Variants in UPF2 observed in about 807,000 individuals in gnomAD.
UPF2 encodes the protein UPF2 regulator of nonsense mediated mRNA decay, also known as regulator of nonsense transcripts 2.
A neutral mutation model predicts 141.4 loss-of-function variants in UPF2; 17 were observed. The observed-to-expected ratio is 0.12, with a 90% confidence interval of 0.08 to 0.18. The LOEUF is 0.18. Among genes scored for constraint, UPF2 ranks in the 10% least tolerant of loss-of-function variants. The pLI is 1.00. For synonymous variants in UPF2, 540 were observed against 498.0 expected, an observed-to-expected ratio of 1.08 and a Z score of -1.12; for missense variants, 1,152 against 1,515.9, an observed-to-expected ratio of 0.76 and a Z score of 3.99.
At chr10:11,941,578 C>T (rs1341497984) in intron 18 of UPF2, among the ~76,000 whole-genome samples, 1 of 151,988 alleles carries the variant, frequency 6.6e-6, no homozygotes, top group Non-Finnish European at 1.5e-5. Flanking sequence ...AAAAAAAACC[C>T]TGTCTTTTAA....
intron 8 of UPF2, among the ~76,000 whole-genome samples, chr10:11,985,764 T>TA (rs1833679612): frequency 6.6e-6 from 1 of 152,018 alleles, no homozygotes; most frequent in African/African-American, 2.4e-5. Context: ...ACATTAAAGT[T>TA]ATTAATAACA....
rs1302925584 is a variant in UPF2, at chr10:11,992,870, A to AG, written c.1844+4801dup. Among the ~76,000 whole-genome samples, 1 of 152,192 alleles carries AG rather than the reference A, an allele frequency of 6.6e-6. No individual in the cohort carries two copies. Among genetic ancestry groups the AG allele is most frequent in the East Asian group, 1.9e-4 (1 of 5,208 alleles). ...CGCAAATAAAAAGAAAGCAGCAGTC[A>AG]GGCGCAGGTGGCTCACACTTGTAAT... On this transcript the variant is annotated intron_variant, in intron 8 of 21. Transcript: ENST00000357604. This position sits in a 1 kb window ranked among gnomAD's most constrained non-coding sequence, Gnocchi z 4.1.
intron 21 of UPF2, among the ~76,000 whole-genome samples, chr10:11,926,931 C>A (rs1832720051): frequency 6.6e-6 from 1 of 152,242 alleles, no homozygotes; most frequent in Admixed American, 6.5e-5. Context: ...CCTCTGTTCA[C>A]ACGCACGTCG....
intron 9 of UPF2, among the ~76,000 whole-genome samples, chr10:11,975,134 G>A (rs148736623): frequency 1.1e-4 from 16 of 152,308 alleles, no homozygotes; most frequent in African/African-American, 3.6e-4. Context: ...GTTGGCATGC[G>A]CCTGTAGTCG....
At chr10:12,005,868 GCGTT>G in intron 4 of UPF2, among the ~76,000 whole-genome samples, 1 of 151,436 alleles carries the variant, frequency 6.6e-6, no homozygotes, top group Non-Finnish European at 1.5e-5. Flanking sequence ...ACCACGCCCA[GCGTT>G]TATTTATTAT....
chr10:11,964,224 G>A (rs1833283477), intron 10 of UPF2, 99 bp from the exon 11 acceptor site: 5 of 777,512 alleles, frequency 6.4e-6, no homozygotes, highest in Non-Finnish European at 9.7e-6. Flanking sequence ...CTTGGAAAAC[G>A]TAAAAAACAG....
rs199889023 is a variant in UPF2 at position 12,038,743 on chromosome 10, AAAC to A, written c.-18-3305_-18-3303del. ...GACTCCGTCTCAAAAATACAAAAAAAAACAACAACAACAACAAAAGAAAAAGCA... is the reference window on the plus strand; with the variant it reads ...GACTCCGTCTCAAAAATACAAAAAAAAACAACAACAACAAAAGAAAAAGCA... On this transcript the variant is annotated intron_variant, in intron 1 of 21. Coordinates refer to ENST00000357604, the MANE Select transcript of UPF2 (RefSeq NM_015542.4). Among the ~76,000 whole-genome samples, 7 of 152,064 alleles carry A rather than the reference AAAC, an allele frequency of 4.6e-5. No individual in the cohort carries two copies. In the East Asian group the frequency reaches 7.7e-4, roughly 17 times the overall value.
chr10:12,012,310 C>T (rs1348864358), intron 4 of UPF2, among the ~76,000 whole-genome samples: 3 of 151,962 alleles, frequency 2.0e-5, no homozygotes, highest in Non-Finnish European at 4.4e-5. Context: ...GATCCACCTG[C>T]CCTGGCCTCC....
At chr10:11,993,149 CAAAAAAAAAAA>C (rs561323595) in intron 8 of UPF2, among the ~76,000 whole-genome samples, 1 of 80,560 alleles carries the variant, frequency 1.2e-5, no homozygotes, top group African/African-American at 7.4e-5. Flanking sequence ...GGCTCCACCT[CAAAAAAAAAAA>C]AAAAAAAAAA....
chr10:12,013,273 T>TA (rs1454254925), intron 4 of UPF2, among the ~76,000 whole-genome samples: 2 of 150,490 alleles, frequency 1.3e-5, no homozygotes, highest in Non-Finnish European at 3.0e-5. Context: ...ACTTCACCCC[T>TA]AAAATTTTTT....
intron 1 of UPF2, among the ~76,000 whole-genome samples, chr10:12,039,146 T>C (rs1313024559): frequency 6.6e-6 from 1 of 152,212 alleles, no homozygotes; most frequent in Non-Finnish European, 1.5e-5. Flanking sequence ...CATTTAATAC[T>C]AAAATCTTTA....
rs572550848 is a variant in UPF2, at chr10:12,042,603, C to T, written c.-19+152G>A. Among the ~76,000 whole-genome samples, 1 of 152,284 alleles carries T rather than the reference C, an allele frequency of 6.6e-6. No individual in the cohort carries two copies. Among genetic ancestry groups the T allele is most frequent in the Admixed American group, 6.5e-5 (1 of 15,298 alleles). ...GGTCTGAGGAGAACGACGCCGGACC[C>T]GCGGTCCCTCCACTGCTCGCCGACC... On this transcript the variant is annotated intron_variant, in intron 1 of 21. Coordinates refer to ENST00000357604, the MANE Select transcript of UPF2 (RefSeq NM_015542.4). This position sits in a 1 kb window ranked among gnomAD's most constrained non-coding sequence, Gnocchi z 5.5.
chr10:12,027,437 C>A (rs955255775), intron 3 of UPF2, among the ~76,000 whole-genome samples: 4 of 152,016 alleles, frequency 2.6e-5, no homozygotes, highest in African/African-American at 4.8e-5. Context: ...GTAGGATGTA[C>A]GAGCAAAGGA....
chr10:11,973,281 T>G (rs1833451109), intron 9 of UPF2, among the ~76,000 whole-genome samples: 1 of 152,232 alleles, frequency 6.6e-6, no homozygotes, highest in Admixed American at 6.5e-5. Flanking sequence ...ATTCTGGATA[T>G]TAGCCCTTTG....
chr10:11,968,332 T>C (rs4747955), intron 9 of UPF2, among the ~76,000 whole-genome samples: 147,779 of 152,310 alleles, frequency 0.97, 71,853 homozygotes, highest in Middle Eastern at 1. Flanking sequence ...CCTAAGGAGG[T>C]TCTTAAATAA....
chr10:12,024,382 G>A (rs775450322), intron 3 of UPF2, among the ~76,000 whole-genome samples: 2 of 152,192 alleles, frequency 1.3e-5, no homozygotes, highest in Non-Finnish European at 2.9e-5. Context: ...GACCAAGGCA[G>A]GCAGATCATC....
intron 3 of UPF2, 108 bp downstream of exon 3, chr10:12,028,637 G>A: frequency 1.7e-6 from 2 of 1,158,174 alleles, no homozygotes; most frequent in African/African-American, 1.5e-5. Flanking sequence ...GAAATCACCT[G>A]TAAGGAGCCC....
At chr10:11,925,338 A>G (rs1035158985) in intron 21 of UPF2, among the ~76,000 whole-genome samples, 1 of 152,218 alleles carries the variant, frequency 6.6e-6, no homozygotes, top group South Asian at 2.1e-4. Flanking sequence ...AAAGATCTTA[A>G]AACAGGTTGA....
At chr10:11,985,030 G>C (rs889339486) in intron 8 of UPF2, among the ~76,000 whole-genome samples, 1 of 152,170 alleles carries the variant, frequency 6.6e-6, no homozygotes, top group African/African-American at 2.4e-5. Context: ...GCATTTTAAA[G>C]CAAGACAGTT....
Sources: gnomAD v4.1 joint callset for allele counts (sites outside exome capture counted in the v4.1 genomes callset) on GRCh38, gnomAD v4.1.1 for gene constraint, Gnocchi (gnomAD v3.1) non-coding constraint, MANE v1.5 for transcripts, NCBI Gene and HGNC (gene_info 2026-07-23, HGNC 2026-07-21) for gene names.